Variants in NECAB1 observed in about 807,000 individuals in gnomAD.
NECAB1 encodes N-terminal EF-hand calcium-binding protein 1.
Under a neutral mutation model 57.5 loss-of-function variants are expected in NECAB1, and 29 were observed. The ratio of observed to expected loss-of-function variants is 0.50; its 90% CI spans 0.38 to 0.69. NECAB1 has a LOEUF of 0.69. NECAB1 is among the 30% of genes least tolerant of loss of function. The pLI, the probability that NECAB1 is intolerant of heterozygous loss-of-function variation, is 0.00. For synonymous variants in NECAB1, 142 were observed against 147.7 expected (o/e 0.96, Z 0.28); for missense variants, 372 against 413.8 (o/e 0.90, Z 0.88).
intron 3 of NECAB1, among the ~76,000 whole-genome samples, chr8:90,852,848 A>G (rs1246760569): frequency 6.6e-6 from 1 of 152,188 alleles, no homozygotes; most frequent in Non-Finnish European, 1.5e-5. Flanking sequence ...CCTTCAATTC[A>G]TTCGTGCAAC....
intron 4 of NECAB1, among the ~76,000 whole-genome samples, chr8:90,877,086 A>G (rs1808742496): frequency 6.6e-6 from 1 of 152,206 alleles, no homozygotes; most frequent in Non-Finnish European, 1.5e-5. Context: ...TCAGTCACAA[A>G]CATGAGAAAC....
chr8:90,792,923 C>A (rs1235520455), intron 1 of NECAB1, among the ~76,000 whole-genome samples: 2 of 152,158 alleles, frequency 1.3e-5, no homozygotes, highest in African/African-American at 4.8e-5. Flanking sequence ...TTGTCACATT[C>A]ATGCTGTTGC....
At chr8:90,800,834 C>T (rs966477170) in intron 1 of NECAB1, among the ~76,000 whole-genome samples, 2 of 152,064 alleles carry the variant, frequency 1.3e-5, no homozygotes, top group Non-Finnish European at 1.5e-5. Flanking sequence ...GATATGACAC[C>T]GTGTTTGTCA....
intron 3 of NECAB1, among the ~76,000 whole-genome samples, chr8:90,871,662 T>G (rs529262392): frequency 3.5e-4 from 54 of 152,268 alleles, no homozygotes; most frequent in Non-Finnish European, 7.5e-4. Flanking sequence ...AAGTGCTTAT[T>G]TTGTGCCAAT....
chr8:90,862,709 T>A (rs914285917), intron 3 of NECAB1, among the ~76,000 whole-genome samples: 4 of 149,868 alleles, frequency 2.7e-5, no homozygotes, highest in Non-Finnish European at 5.9e-5. Flanking sequence ...ACAAGCCATA[T>A]TTTGAGGGGA....
At chr8:90,865,220 AGAT>A (rs1196063982) in intron 3 of NECAB1, among the ~76,000 whole-genome samples, 2 of 152,190 alleles carry the variant, frequency 1.3e-5, no homozygotes, top group Admixed American at 6.5e-5. Flanking sequence ...GAGAAAAATA[AGAT>A]GATATGTTTT....
In NECAB1 at chr8:90,875,487, CAAAAAAAAAAAAAAAAAA is replaced by C. The variant is rs35777818; in HGVS notation, c.259+3345_259+3362del. Among the ~76,000 whole-genome samples the C allele has an allele frequency of 1.2e-4, 5 of 41,490 alleles. 1 individual carries two copies. The South Asian group carries it at 5.6e-3, about 46-fold the overall frequency. The allele number at this position is 41,490 out of a possible 152,430, so 27.2% of individuals were successfully genotyped here. A position where few individuals can be genotyped will look rare whatever the true frequency, so the allele number is the denominator to read the frequency against. ...TGGGCGACAGAGCGAGACTCCGTCT[CAAAAAAAAAAAAAAAAAA>C]AAAAAAAAAAGAATAGGTAGTTGAA... On this transcript the variant is annotated intron_variant, in intron 4 of 12. Transcript: ENST00000417640.
intron 5 of NECAB1, among the ~76,000 whole-genome samples, chr8:90,896,876 C>T (rs576747955): frequency 1.2e-4 from 18 of 152,142 alleles, no homozygotes; most frequent in Admixed American, 3.3e-4. Context: ...CCAAAGCACT[C>T]ACCACTTCAT....
intron 2 of NECAB1, among the ~76,000 whole-genome samples, chr8:90,809,993 A>G (rs1811929041): frequency 6.6e-6 from 1 of 152,252 alleles, no homozygotes; most frequent in Non-Finnish European, 1.5e-5. Flanking sequence ...CAATATTGCA[A>G]GGAAGATACT....
chr8:90,804,914 T>A (rs1447479234), intron 2 of NECAB1, among the ~76,000 whole-genome samples: 1 of 152,202 alleles, frequency 6.6e-6, no homozygotes, highest in African/African-American at 2.4e-5. Flanking sequence ...ATCCATAAAG[T>A]TACCAGGCAA....
rs577951495 is a variant in NECAB1, at chr8:90,922,486, A to ATTTTTTTTTTTTTTTT, written c.495-3040_495-3025dup. 7.0e-4 allele frequency among the ~76,000 whole-genome samples: 40 copies of ATTTTTTTTTTTTTTTT among 57,510 alleles called. 5 individuals are homozygous for ATTTTTTTTTTTTTTTT. Among genetic ancestry groups the ATTTTTTTTTTTTTTTT allele is most frequent in the Middle Eastern group, 0.012 (1 of 86 alleles). 37.7% of individuals were successfully genotyped at this position (57,510 alleles called of 152,430 possible). ...ACCACCAAAGCTGCCAAAAACTTGG[A>ATTTTTTTTTTTTTTTT]TTTTTTTTTTTTTTTTTTTTTTTTG... is the stretch of plus-strand genomic sequence containing the variant. On this transcript the variant is annotated intron_variant, in intron 6 of 12. Coordinates refer to ENST00000417640, the MANE Select transcript of NECAB1 (RefSeq NM_022351.5).
At chr8:90,798,194 T>G (rs1376099910) in intron 1 of NECAB1, among the ~76,000 whole-genome samples, 1 of 152,236 alleles carries the variant, frequency 6.6e-6, no homozygotes, top group African/African-American at 2.4e-5. Flanking sequence ...TGAATTTCTC[T>G]CCTTGTAAGA....
At chr8:90,890,082 A>T (rs1313831071) in intron 5 of NECAB1, among the ~76,000 whole-genome samples, 1 of 152,160 alleles carries the variant, frequency 6.6e-6, no homozygotes, top group Non-Finnish European at 1.5e-5. Flanking sequence ...TCTGACATAC[A>T]TGCCTATCCC....
intron 1 of NECAB1, among the ~76,000 whole-genome samples, chr8:90,794,966 G>T (rs1287384180): frequency 6.6e-6 from 1 of 152,182 alleles, no homozygotes; most frequent in Non-Finnish European, 1.5e-5. Context: ...TAGCACTGGT[G>T]CCAAGGTATG....
chr8:90,854,755 A>G (rs890552038), intron 3 of NECAB1, among the ~76,000 whole-genome samples: 2 of 152,216 alleles, frequency 1.3e-5, no homozygotes, highest in Non-Finnish European at 2.9e-5. Context: ...TTCACTTGCT[A>G]TAATCCACAG....
chr8:90,843,708 CTG>C (rs1312586984), intron 3 of NECAB1, among the ~76,000 whole-genome samples: 1 of 152,222 alleles, frequency 6.6e-6, no homozygotes, highest in Non-Finnish European at 1.5e-5. Flanking sequence ...GGGCTAGAAA[CTG>C]TGCAAATGCA....
rs866148539 is a variant in NECAB1, at chr8:90,904,938, T to C, written c.358-12554T>C. ...CCATACACAAAAATCAATCCCAGTT[T>C]AAGACTTACATGTGTAAAAATTTAA... On this transcript the variant is annotated intron_variant, in intron 5 of 12. Transcript: ENST00000417640. 1.8e-3 allele frequency among the ~76,000 whole-genome samples: 268 copies of C among 152,322 alleles called. 2 individuals are homozygous for C. Among genetic ancestry groups the C allele is most frequent in the African/African-American group, 6.1e-3 (255 of 41,582 alleles).
At chr8:90,947,983 TA>T (rs1330625511) in intron 10 of NECAB1, among the ~76,000 whole-genome samples, 1 of 152,224 alleles carries the variant, frequency 6.6e-6, no homozygotes, top group Non-Finnish European at 1.5e-5. Flanking sequence ...AGTAGGATTT[TA>T]ATGTAATAAG....
rs373068039 is a variant in NECAB1 at position 90,867,442 on chromosome 8, G to A, written c.234-4686G>A. ...AATGACATGTTTTAATGACCAAAAT[G>A]TTTTCAATGATGCTATTAAAAATTT... On this transcript the variant is annotated intron_variant, in intron 3 of 12. Coordinates refer to ENST00000417640, the MANE Select transcript of NECAB1 (RefSeq NM_022351.5). Among the ~76,000 whole-genome samples the A allele has an allele frequency of 2.0e-5, 3 of 152,150 alleles. No homozygotes were observed. The East Asian group carries it at 5.8e-4, about 29-fold the overall frequency.
Sources: allele counts gnomAD v4.1 joint callset (sites outside exome capture counted in the v4.1 genomes callset), GRCh38; gene constraint gnomAD v4.1.1; transcripts MANE v1.5; gene names NCBI Gene and HGNC (gene_info 2026-07-23, HGNC 2026-07-21).